The following ADAM22 variants were observed in gnomAD, a reference collection of about 807,000 sequenced individuals.
ADAM22 encodes the protein ADAM metallopeptidase domain 22.
ADAM22 carries 65 observed loss-of-function variants against 144.6 expected under a neutral mutation model. That is an observed-to-expected ratio of 0.45 (90% CI 0.37 to 0.55). The LOEUF (loss-of-function observed/expected upper bound fraction) is 0.55. ADAM22 is among the 20% of genes least tolerant of loss of function. ADAM22 has a pLI of 0.00. For missense variants in ADAM22, 974 were observed against 1,184.9 expected (o/e 0.82, Z 2.61); for synonymous variants, 391 against 412.6 (o/e 0.95, Z 0.63).
intron 2 of ADAM22, among the ~76,000 whole-genome samples, chr7:87,939,603 A>G (rs1229738652): frequency 1.3e-5 from 2 of 152,266 alleles, no homozygotes; most frequent in African/African-American, 2.4e-5. Context: ...GAAAATAACT[A>G]TAAATGAGTT....
At chr7:87,938,726 G>T (rs12668711) in intron 2 of ADAM22, among the ~76,000 whole-genome samples, 35,568 of 151,794 alleles carry the variant, frequency 0.23, 5,176 homozygotes, top group African/African-American at 0.4. Flanking sequence ...CTCAACTCAT[G>T]GCAAGGTCCA....
At chr7:87,952,724 T>C (rs1361700863) in intron 2 of ADAM22, among the ~76,000 whole-genome samples, 4 of 152,082 alleles carry the variant, frequency 2.6e-5, no homozygotes, top group African/African-American at 7.2e-5. Flanking sequence ...ATGGTACCAG[T>C]TCCTCCTTGT....
At chr7:88,048,530 A>G (rs1456641891) in intron 3 of ADAM22, among the ~76,000 whole-genome samples, 1 of 152,098 alleles carries the variant, frequency 6.6e-6, no homozygotes, top group East Asian at 1.9e-4. Context: ...TAGGTAAAAA[A>G]TTTCATCTTT....
intron 3 of ADAM22, among the ~76,000 whole-genome samples, chr7:88,046,551 C>T (rs944424526): frequency 1.3e-5 from 2 of 152,112 alleles, no homozygotes; most frequent in African/African-American, 2.4e-5. Context: ...TGTTCCTGTG[C>T]AGAAGCTTTG....
chr7:87,947,026 G>A lies in ADAM22; in HGVS notation c.246+11840G>A, dbSNP rs192031817. 6.6e-4 allele frequency among the ~76,000 whole-genome samples: 101 copies of A among 152,174 alleles called. 3 individuals carry two copies. The highest frequency in any genetic ancestry group is 1.5e-4 in the Non-Finnish European group (10 of 67,996). ...TTGGATACTCATGGACATCAAAATG[G>A]CAATGGTAGATACTGGGGACTAAGA... On this transcript the variant is annotated intron_variant, in intron 2 of 31. Transcript: ENST00000413139.
At position 88,136,001 on chromosome 7, in the gene ADAM22, C is replaced by T. The variant is rs772475954; in HGVS notation, c.1190C>T (p.Thr397Met). 8.7e-6 allele frequency: 14 copies of T among 1,611,638 alleles called. No individual in the cohort carries two copies. Among genetic ancestry groups the T allele is most frequent in the Admixed American group, 3.3e-5 (2 of 59,756 alleles). The stretch of plus-strand genomic sequence containing the variant: ...TTAGGTGAATGTAAATGCGAGGACA[C>T]GTGGTCCGGGTGCATAATGGGAGAC... ...LASGECKCED[T>M]WSGCIMGDTG... is the part of the protein sequence containing the mutation. The change falls in exon 14 of 32, where the codon ACG becomes ATG. Residue 397 changes from threonine (T) to methionine (M), a missense_variant. By Grantham distance (81) the Thr-to-Met change is moderately conservative. Around this residue, in one of 2 missense-constraint regions of ADAM22, gnomAD observed 734 missense variants for 950.6 expected, o/e 0.77. Transcript: ENST00000413139.
At chr7:88,138,729 A>T (rs1053719801) in intron 14 of ADAM22, among the ~76,000 whole-genome samples, 1 of 152,242 alleles carries the variant, frequency 6.6e-6, no homozygotes, top group Non-Finnish European at 1.5e-5. Flanking sequence ...GAGACATGAT[A>T]TCTGCCTTCA....
At chr7:88,043,095 C>T (rs1268127412) in intron 3 of ADAM22, among the ~76,000 whole-genome samples, 1 of 151,794 alleles carries the variant, frequency 6.6e-6, no homozygotes, top group African/African-American at 2.4e-5. Context: ...TCTGCAGCTT[C>T]AAACAATATT....
At chr7:88,125,692 TAA>T in intron 8 of ADAM22, 33 bp downstream of exon 8, 6 of 1,503,578 alleles carry the variant, frequency 4.0e-6, no homozygotes, top group Non-Finnish European at 4.5e-6. Context: ...CGTGTTATTT[TAA>T]AACAATTGTC....
At chr7:87,970,135 A>G (rs949380189) in intron 2 of ADAM22, among the ~76,000 whole-genome samples, 6 of 152,170 alleles carry the variant, frequency 3.9e-5, no homozygotes, top group Non-Finnish European at 8.8e-5. Flanking sequence ...TGAAATAGAG[A>G]TATAGTATCA....
intron 5 of ADAM22, among the ~76,000 whole-genome samples, chr7:88,113,717 T>TATATATATATATATATA (rs1426077561): frequency 8.9e-6 from 1 of 112,592 alleles, no homozygotes; most frequent in Non-Finnish European, 1.8e-5. Context: ...TATATATATA[T>TATATATATATATATATA]ATATATATAT....
chr7:87,948,422 C>T lies in ADAM22; in HGVS notation c.246+13236C>T, dbSNP rs1277158586. ...TTTCTGTTGTGCCCCTTGAATTGCT[C>T]CTCATTCATTCTCCTCTGTGGATGT... On this transcript the variant is annotated intron_variant, in intron 2 of 31. Coordinates refer to ENST00000413139, the MANE Select transcript of ADAM22 (RefSeq NM_001324418.2). Among the ~76,000 whole-genome samples the T allele has an allele frequency of 3.9e-5, 6 of 152,080 alleles. No individual in the cohort carries two copies. The East Asian group carries it at 1.2e-3, about 29-fold the overall frequency.
Position 88,201,363 on chromosome 7 carries a change from G to A in ADAM22, c.*4872G>A, listed in dbSNP as rs1851189630. The A allele has an allele frequency of 6.6e-6, 1 of 152,198 alleles. No homozygotes were observed. The highest frequency in any genetic ancestry group is 1.5e-5 in the Non-Finnish European group (1 of 68,064). 9.4% of individuals were successfully genotyped at this position (152,198 alleles called of 1,614,324 possible). ...GTCCTAAAAGCCTGAATTTCAGGAT[G>A]GGGAGGAGATAAGAAGCAGAGAACT... On this transcript the variant is annotated 3_prime_UTR_variant, in exon 32 of 32. Coordinates refer to ENST00000413139, the MANE Select transcript of ADAM22 (RefSeq NM_001324418.2).
At chr7:88,152,029 A>G (rs1330448676) in intron 20 of ADAM22, among the ~76,000 whole-genome samples, 1 of 152,172 alleles carries the variant, frequency 6.6e-6, no homozygotes, top group Non-Finnish European at 1.5e-5. Flanking sequence ...TAGTAGGAAA[A>G]AGGCTATAAA....
chr7:87,985,154 A>G (rs1047187759), intron 3 of ADAM22, among the ~76,000 whole-genome samples: 3 of 151,870 alleles, frequency 2.0e-5, no homozygotes, highest in African/African-American at 4.8e-5. Flanking sequence ...TCTACTAAAA[A>G]TACAAAAAAT....
chr7:88,192,582 A>G (rs994035690), intron 30 of ADAM22, among the ~76,000 whole-genome samples: 3 of 152,100 alleles, frequency 2.0e-5, no homozygotes, highest in Non-Finnish European at 4.4e-5. Context: ...AAAGCCCTGT[A>G]TTTGCCTTTG....
chr7:87,943,720 G>C (rs1224239107), intron 2 of ADAM22, among the ~76,000 whole-genome samples: 1 of 152,014 alleles, frequency 6.6e-6, no homozygotes, highest in Admixed American at 6.6e-5. Flanking sequence ...AAATATCAGC[G>C]GTTCTAACTG....
chr7:88,007,445 A>G (rs1794204014), intron 3 of ADAM22, among the ~76,000 whole-genome samples: 1 of 152,214 alleles, frequency 6.6e-6, no homozygotes, highest in African/African-American at 2.4e-5. Flanking sequence ...TGCCAAGTCA[A>G]TCCTAAGCCA....
intron 22 of ADAM22, among the ~76,000 whole-genome samples, chr7:88,159,595 G>A (rs1840989593): frequency 6.6e-6 from 1 of 152,090 alleles, no homozygotes; most frequent in Non-Finnish European, 1.5e-5. Context: ...TCCAAGTTTG[G>A]TTCAACATAC....
Sources: gnomAD v4.1 joint callset for allele counts (sites outside exome capture counted in the v4.1 genomes callset) on GRCh38, gnomAD v4.1.1 for gene constraint, gnomAD v4.1.1 regional missense constraint, MANE v1.5 for transcripts, NCBI Gene and HGNC (gene_info 2026-07-23, HGNC 2026-07-21) for gene names.